KLHDC10: variants seen among roughly 807,000 people sequenced by gnomAD.
The protein encoded by KLHDC10 is kelch domain containing 10, also known as kelch domain-containing protein 10.
Under a neutral mutation model 56.1 loss-of-function variants are expected in KLHDC10, and 24 were observed. The observed-to-expected ratio is 0.43, with a 90% CI of 0.31 to 0.60. KLHDC10 has a LOEUF of 0.60. KLHDC10 is among the 20% of genes least tolerant of loss of function. The pLI, the probability that KLHDC10 is intolerant of heterozygous loss-of-function variation, is 0.11. For synonymous variants in KLHDC10, 188 were observed against 207.1 expected, an observed-to-expected ratio of 0.91 and a Z score of 0.79; for missense variants, 349 against 567.0, an observed-to-expected ratio of 0.62 and a Z score of 3.91.
intron 1 of KLHDC10, among the ~76,000 whole-genome samples, chr7:130,086,742 C>G (rs547459292): frequency 1.3e-5 from 2 of 152,224 alleles, no homozygotes; most frequent in South Asian, 4.1e-4. Context: ...ACCAGCCACC[C>G]AATTGATGGA....
At chr7:130,122,398 T>G (rs1796260147) in intron 5 of KLHDC10, among the ~76,000 whole-genome samples, 196 bp downstream of exon 5, 1 of 152,218 alleles carries the variant, frequency 6.6e-6, no homozygotes, top group Admixed American at 6.5e-5. Flanking sequence ...AATATTTCCT[T>G]CTAAACTACA....
intron 1 of KLHDC10, among the ~76,000 whole-genome samples, chr7:130,094,404 A>C (rs1279462908): frequency 6.6e-6 from 1 of 152,176 alleles, no homozygotes; most frequent in Non-Finnish European, 1.5e-5. Context: ...ATTTTTTTCT[A>C]ATCACTTTTT....
At chr7:130,082,292 C>G (rs558243221) in intron 1 of KLHDC10, among the ~76,000 whole-genome samples, 37 of 152,314 alleles carry the variant, frequency 2.4e-4, no homozygotes, top group Non-Finnish European at 5.3e-4. Context: ...CCACTGCACT[C>G]TAGCCTGGGC....
chr7:130,116,325 T>C lies in KLHDC10; in HGVS notation c.254-120T>C. ...GTTATAAATCTAAACAAATAAGAAG[T>C]ATATCCATGTTATAAATCCTTCCTG... On this transcript the variant is annotated intron_variant, in intron 2 of 9. Coordinates refer to ENST00000335420, the MANE Select transcript of KLHDC10 (RefSeq NM_014997.4). This position sits in a 1 kb window ranked among gnomAD's most constrained non-coding sequence, Gnocchi z 4.8. The C allele has an allele frequency of 1.5e-6, 1 of 670,128 alleles. No homozygotes were observed. Among genetic ancestry groups the C allele is most frequent in the South Asian group, 1.8e-5 (1 of 54,538 alleles). The allele number at this position is 670,128 out of a possible 1,614,324, so 41.5% of individuals were successfully genotyped here.
At chr7:130,077,414 G>C (rs181508663) in intron 1 of KLHDC10, among the ~76,000 whole-genome samples, 225 of 140,132 alleles carry the variant, frequency 1.6e-3, no homozygotes, top group Non-Finnish European at 2.3e-3. Context: ...TTCAAGTATT[G>C]TTTTGTATCT....
At chr7:130,129,706 C>T in intron 9 of KLHDC10, 130 bp downstream of exon 9, 1 of 799,798 alleles carries the variant, frequency 1.3e-6, no homozygotes. Context: ...TTTAAAACTT[C>T]CTTCCAAAGC....
At chr7:130,084,124 T>C (rs561273634) in intron 1 of KLHDC10, among the ~76,000 whole-genome samples, 1 of 152,242 alleles carries the variant, frequency 6.6e-6, no homozygotes, top group Non-Finnish European at 1.5e-5. Flanking sequence ...TCTCCATATC[T>C]ACAATTACAT....
chr7:130,074,326 G>C (rs759384199), intron 1 of KLHDC10, among the ~76,000 whole-genome samples: 8 of 151,994 alleles, frequency 5.3e-5, no homozygotes, highest in Non-Finnish European at 7.4e-5. Context: ...TTCTGACTTG[G>C]TCTCTTCTCT....
At chr7:130,091,132 G>A (rs774736080) in intron 1 of KLHDC10, among the ~76,000 whole-genome samples, 1 of 152,126 alleles carries the variant, frequency 6.6e-6, no homozygotes, top group Non-Finnish European at 1.5e-5. Context: ...TGTGAATAAA[G>A]CTGTTAGGAA....
chr7:130,108,572 A>AAAAAAAAAAAAAAAT (rs1405437913), intron 2 of KLHDC10, among the ~76,000 whole-genome samples: 10 of 144,000 alleles, frequency 6.9e-5, no homozygotes, highest in South Asian at 2.2e-4. Flanking sequence ...AAAAAAAAAA[A>AAAAAAAAAAAAAAAT]AGCTGGGCGT....
chr7:130,082,960 T>C (rs1795628694), intron 1 of KLHDC10, among the ~76,000 whole-genome samples: 1 of 152,222 alleles, frequency 6.6e-6, no homozygotes, highest in Admixed American at 6.5e-5. Context: ...TGCCACTTAA[T>C]ATTGGTATCC....
intron 6 of KLHDC10, 26 bp downstream of exon 6, chr7:130,124,561 G>C (rs1290740463): frequency 8.5e-7 from 1 of 1,177,822 alleles, no homozygotes; most frequent in East Asian, 2.3e-5. Flanking sequence ...AAGAAAAAAA[G>C]GGAGAGGGAG....
chr7:130,110,630 TC>T (rs1195778443), intron 2 of KLHDC10, among the ~76,000 whole-genome samples: 5 of 152,220 alleles, frequency 3.3e-5, no homozygotes, highest in African/African-American at 4.8e-5. Flanking sequence ...GGATCAAACT[TC>T]CTTGGCTTTC....
At chr7:130,071,893 A>G (rs1206260872) in intron 1 of KLHDC10, among the ~76,000 whole-genome samples, 3 of 152,212 alleles carry the variant, frequency 2.0e-5, no homozygotes, top group African/African-American at 7.2e-5. Flanking sequence ...TAAATTGAAG[A>G]TGACAAAGGG....
At chr7:130,110,787 GT>G (rs951077467) in intron 2 of KLHDC10, among the ~76,000 whole-genome samples, 6 of 151,730 alleles carry the variant, frequency 4.0e-5, no homozygotes, top group Admixed American at 3.3e-4. Context: ...TTAATAATAA[GT>G]TTTTTTTTAA....
At position 130,125,725 on chromosome 7, in the gene KLHDC10, T is replaced by C; in HGVS notation, c.865-140T>C. Reference sequence around the variant, plus strand: ...AAAGTCCAGTTTTCTGTATGGAAAATCACTGTACCTTCTGCTCAGTTTTGC... The same window carrying C: ...AAAGTCCAGTTTTCTGTATGGAAAACCACTGTACCTTCTGCTCAGTTTTGC... On this transcript the variant is annotated intron_variant, in intron 6 of 9. Coordinates refer to ENST00000335420, the MANE Select transcript of KLHDC10 (RefSeq NM_014997.4). The C allele has an allele frequency of 4.6e-6, 3 of 653,222 alleles. No individual in the cohort carries two copies. In the South Asian group the frequency reaches 5.7e-5, roughly 12 times the overall value. The allele number at this position is 653,222 out of a possible 1,614,324, so 40.5% of individuals were successfully genotyped here.
intron 1 of KLHDC10, among the ~76,000 whole-genome samples, chr7:130,096,256 C>T (rs1256352311): frequency 6.6e-6 from 1 of 152,048 alleles, no homozygotes; most frequent in East Asian, 1.9e-4. Flanking sequence ...ATAATAGTTC[C>T]ATTAATTTAA....
rs1417895707 is a variant in KLHDC10 at position 130,125,899 on chromosome 7, A to G, written c.899A>G (p.Glu300Gly). Residue 300 changes from glutamate to glycine, a missense_variant, in exon 7 of 10, where the codon GAG becomes GGG. Glu to Gly is a moderately conservative substitution (Grantham distance 98). Transcript: ENST00000335420. The part of the protein sequence containing the change: ...HAYNLETNAW[E>G]EIATKPHEKI... ...TACAACCTTGAAACGAATGCCTGGG[A>G]GGAAATTGCAACAAAACCCCATGAA... 11 of 1,603,034 alleles carry G rather than the reference A, an allele frequency of 6.9e-6. No individual in the cohort carries two copies. The highest frequency in any genetic ancestry group is 1.3e-5 in the African/African-American group (1 of 74,204).
At chr7:130,088,375 A>G (rs1054866334) in intron 1 of KLHDC10, among the ~76,000 whole-genome samples, 29 of 149,570 alleles carry the variant, frequency 1.9e-4, no homozygotes, top group African/African-American at 6.4e-4. Flanking sequence ...CCTGGGTTCA[A>G]GCAATTCTCC....
Sources: gnomAD v4.1 joint callset for allele counts (sites outside exome capture counted in the v4.1 genomes callset) on GRCh38, gnomAD v4.1.1 for gene constraint, Gnocchi (gnomAD v3.1) non-coding constraint, MANE v1.5 for transcripts, NCBI Gene and HGNC (gene_info 2026-07-23, HGNC 2026-07-21) for gene names.